PIP4K2A: variants seen among roughly 807,000 people sequenced by gnomAD.
PIP4K2A encodes phosphatidylinositol-5-phosphate 4-kinase type 2 alpha.
A neutral mutation model predicts 42.9 loss-of-function variants in PIP4K2A; 14 were observed. That is an observed-to-expected ratio of 0.33 (90% CI 0.22 to 0.51). The LOEUF (loss-of-function observed/expected upper bound fraction) is 0.51. Among genes scored for constraint, PIP4K2A ranks in the 20% least tolerant of loss-of-function variants. The probability of loss-of-function intolerance (pLI) is 0.97; values close to 1 mark genes in which losing one functional copy is unlikely to be tolerated. For missense variants in PIP4K2A, 434 were observed against 519.8 expected, an observed-to-expected ratio of 0.83 and a Z score of 1.61; for synonymous variants, 192 against 192.2, an observed-to-expected ratio of 1.00 and a Z score of 0.01.
chr10:22,675,238 C>T (rs550502201), intron 1 of PIP4K2A, among the ~76,000 whole-genome samples: 1 of 152,016 alleles, frequency 6.6e-6, no homozygotes, highest in Non-Finnish European at 1.5e-5. Context: ...TTCTTCTATC[C>T]CAGGTACCAT....
intron 1 of PIP4K2A, among the ~76,000 whole-genome samples, chr10:22,697,313 G>A (rs1839992028): frequency 6.6e-6 from 1 of 152,240 alleles, no homozygotes; most frequent in Non-Finnish European, 1.5e-5. Context: ...GTCAGCACAA[G>A]TGACCGGCAT....
rs1481574678 is a variant in PIP4K2A at position 22,580,635 on chromosome 10, CT to C, written c.493-7179del. Reference sequence around the variant, plus strand: ...CTATCTATTACCCTTTTGTAAAACACTGTTGGCTCAACCACAAGACAATCTG... The same window carrying C: ...CTATCTATTACCCTTTTGTAAAACACGTTGGCTCAACCACAAGACAATCTG... On this transcript the variant is annotated intron_variant, in intron 4 of 9. Coordinates refer to ENST00000376573, the MANE Select transcript of PIP4K2A (RefSeq NM_005028.5). 4.8e-4 allele frequency among the ~76,000 whole-genome samples: 72 copies of C among 149,630 alleles called. 1 individual carries two copies. Among genetic ancestry groups the C allele is most frequent in the African/African-American group, 1.7e-3 (67 of 38,956 alleles).
Position 22,541,956 on chromosome 10 carries a change from T to C in PIP4K2A, c.884A>G (p.Glu295Gly). 9.3e-6 allele frequency: 15 copies of C among 1,613,994 alleles called. No individual in the cohort carries two copies. The highest frequency in any genetic ancestry group is 1.2e-5 in the Non-Finnish European group (14 of 1,179,940). The change falls in exon 8 of 10, where the codon GAG becomes GGG. Residue 295 changes from glutamate to glycine, a missense_variant. Around this residue, in one of 2 missense-constraint regions of PIP4K2A, gnomAD observed 395 missense variants for 444.5 expected, o/e 0.89. Coordinates refer to ENST00000376573, the MANE Select transcript of PIP4K2A (RefSeq NM_005028.5). ...RAEQEEVECE[E>G]NDGEEEGESD... ...CTCGCCCTCCTCCTCCCCATCGTTC[T>C]CCTCACACTCCACTTCCTCCTGTTC...
chr10:22,568,992 C>A (rs1182875269), intron 5 of PIP4K2A: 1 of 1,523,094 alleles, frequency 6.6e-7, no homozygotes, highest in East Asian at 2.4e-5. Context: ...CTTGAGTTAG[C>A]CATTCATTAA....
chr10:22,655,626 A>C (rs1423059884), intron 1 of PIP4K2A, among the ~76,000 whole-genome samples: 1 of 152,368 alleles, frequency 6.6e-6, no homozygotes, highest in East Asian at 1.9e-4. Flanking sequence ...CCTGTAAACA[A>C]TTCTGCAGCT....
intron 1 of PIP4K2A, among the ~76,000 whole-genome samples, chr10:22,703,625 A>G (rs775114320): frequency 1.3e-4 from 20 of 152,302 alleles, no homozygotes; most frequent in South Asian, 4.1e-4. Context: ...AAAGGTTTGG[A>G]TTTTATTCTA....
At chr10:22,619,326 C>G (rs1216040559) in intron 1 of PIP4K2A, among the ~76,000 whole-genome samples, 1 of 151,920 alleles carries the variant, frequency 6.6e-6, no homozygotes, top group African/African-American at 2.4e-5. Context: ...GTTACAGAGG[C>G]AGGAAAAAAC....
At chr10:22,573,094 G>A (rs181007600) in intron 5 of PIP4K2A, among the ~76,000 whole-genome samples, 2 of 152,292 alleles carry the variant, frequency 1.3e-5, no homozygotes, top group Admixed American at 1.3e-4. Flanking sequence ...GCAGTTGGCT[G>A]AATATTTAAG....
intron 1 of PIP4K2A, among the ~76,000 whole-genome samples, chr10:22,637,723 G>A (rs1204919969): frequency 6.6e-6 from 1 of 152,154 alleles, no homozygotes; most frequent in African/African-American, 2.4e-5. Context: ...CTGCCCAGAC[G>A]AAACCACAAC....
chr10:22,566,781 G>A (rs1564423663), intron 6 of PIP4K2A, among the ~76,000 whole-genome samples: 1 of 152,104 alleles, frequency 6.6e-6, no homozygotes, highest in Non-Finnish European at 1.5e-5. Flanking sequence ...GCCCTTCCTT[G>A]ACCCTGCCCA....
intron 6 of PIP4K2A, among the ~76,000 whole-genome samples, chr10:22,563,975 G>A (rs1393441790): frequency 6.6e-6 from 1 of 152,132 alleles, no homozygotes; most frequent in Non-Finnish European, 1.5e-5. Flanking sequence ...TTAGATACAG[G>A]ATAAAAGCAT....
intron 1 of PIP4K2A, among the ~76,000 whole-genome samples, chr10:22,664,171 A>ACG (rs1564460224): frequency 1.7e-5 from 1 of 60,218 alleles, no homozygotes; most frequent in Non-Finnish European, 2.9e-5. Flanking sequence ...ATATATACAT[A>ACG]TATATATATA....
chr10:22,661,409 T>C (rs950476125), intron 1 of PIP4K2A, among the ~76,000 whole-genome samples: 1 of 145,684 alleles, frequency 6.9e-6, no homozygotes, highest in Non-Finnish European at 1.5e-5. Context: ...CGGGCTGGAG[T>C]GCAGTAGCAC....
intron 1 of PIP4K2A, among the ~76,000 whole-genome samples, chr10:22,669,386 A>G (rs1839407278): frequency 6.6e-6 from 1 of 152,228 alleles, no homozygotes; most frequent in South Asian, 2.1e-4. Context: ...TGTTCACACA[A>G]CAACGTAATC....
chr10:22,655,167 A>G (rs1296252195), intron 1 of PIP4K2A, among the ~76,000 whole-genome samples: 1 of 152,234 alleles, frequency 6.6e-6, no homozygotes, highest in Non-Finnish European at 1.5e-5. Context: ...GTAAATTGAT[A>G]GAAGCCCTGG....
chr10:22,594,492 C>G (rs1837586635), intron 3 of PIP4K2A, among the ~76,000 whole-genome samples: 1 of 152,202 alleles, frequency 6.6e-6, no homozygotes, highest in Non-Finnish European at 1.5e-5. Context: ...ATCTCCTGGA[C>G]TCAAGTGATT....
At chr10:22,606,708 T>C (rs951791687) in intron 3 of PIP4K2A, among the ~76,000 whole-genome samples, 1 of 152,198 alleles carries the variant, frequency 6.6e-6, no homozygotes, top group Non-Finnish European at 1.5e-5. Flanking sequence ...ACTCAATCTG[T>C]AGTCACCCAG....
intron 1 of PIP4K2A, among the ~76,000 whole-genome samples, chr10:22,655,240 C>G (rs972489851): frequency 6.6e-6 from 1 of 152,192 alleles, no homozygotes; most frequent in Non-Finnish European, 1.5e-5. Context: ...AATACCATCT[C>G]TAAGGCAGAG....
chr10:22,609,226 A>T (rs572478672), intron 2 of PIP4K2A, among the ~76,000 whole-genome samples: 1 of 152,342 alleles, frequency 6.6e-6, no homozygotes, highest in Admixed American at 6.5e-5. Context: ...ATTGTGCCTT[A>T]TGAAAATGTA....
Sources: allele counts gnomAD v4.1 joint callset (sites outside exome capture counted in the v4.1 genomes callset), GRCh38; gene constraint gnomAD v4.1.1; regional missense constraint gnomAD v4.1.1; transcripts MANE v1.5; gene names NCBI Gene and HGNC (gene_info 2026-07-23, HGNC 2026-07-21).